The following BBX variants were observed in gnomAD, a reference collection of about 807,000 sequenced individuals.
BBX encodes BBX high mobility group box domain containing.
BBX carries 30 observed loss-of-function variants against 100.2 expected under a neutral mutation model. The observed-to-expected ratio is 0.30, with a 90% CI of 0.22 to 0.41. The LOEUF is 0.41. Ranked by LOEUF, BBX falls within the 10% of genes least tolerant of loss-of-function variation. The pLI is 1.00. For synonymous variants in BBX, 376 were observed against 388.1 expected, an observed-to-expected ratio of 0.97 and a Z score of 0.37; for missense variants, 1,023 against 1,129.8, an observed-to-expected ratio of 0.91 and a Z score of 1.35.
Position 107,625,076 on chromosome 3 carries a change from A to T in BBX, c.-83-20760A>T, listed in dbSNP as rs995227058. ...AAATAATTTCAAAGAGAGTTGCTGG[A>T]CAACTTTGGAATTTCTTCTTTCTGC... On this transcript the variant is annotated intron_variant, in intron 2 of 17. Coordinates refer to ENST00000325805, the MANE Select transcript of BBX (RefSeq NM_001142568.3). 2.6e-5 allele frequency among the ~76,000 whole-genome samples: 4 copies of T among 152,170 alleles called. No homozygotes were observed. In the South Asian group the frequency reaches 6.2e-4, roughly 24 times the overall value.
chr3:107,620,047 A>C (rs1352182596), intron 2 of BBX, among the ~76,000 whole-genome samples: 2 of 152,046 alleles, frequency 1.3e-5, no homozygotes, highest in Non-Finnish European at 2.9e-5. Flanking sequence ...TTACTGTTTC[A>C]TAGGTCCCTG....
intron 10 of BBX, among the ~76,000 whole-genome samples, chr3:107,766,004 A>C (rs2107738426): frequency 6.6e-6 from 1 of 152,372 alleles, no homozygotes; most frequent in South Asian, 2.1e-4. Flanking sequence ...ATTAGTAGAC[A>C]AGAAACTAAA....
At position 107,586,426 on chromosome 3, in the gene BBX, A is replaced by C. The variant is rs555677825; in HGVS notation, c.-83-59410A>C. Among the ~76,000 whole-genome samples, 15 of 152,254 alleles carry C rather than the reference A, an allele frequency of 9.9e-5. No homozygotes were observed. In the South Asian group the frequency reaches 2.5e-3, roughly 25 times the overall value. On this transcript the variant is annotated intron_variant, in intron 2 of 17. Transcript: ENST00000325805. ...ACTTGAGTCAAGTAATGGACATATC[A>C]GGGGTCACCTAGTTTTTAATGTGAA...
chr3:107,697,919 G>A (rs191817473), intron 3 of BBX, among the ~76,000 whole-genome samples: 3 of 152,054 alleles, frequency 2.0e-5, no homozygotes, highest in African/African-American at 2.4e-5. Flanking sequence ...TTTTAAGCTC[G>A]TCAGAAAAGC....
rs1310037060 is a variant in BBX at position 107,805,472 on chromosome 3, G to A, written c.*15G>A. 7 of 1,613,972 alleles carry A rather than the reference G, an allele frequency of 4.3e-6. No individual in the cohort carries two copies. Among genetic ancestry groups the A allele is most frequent in the Non-Finnish European group, 5.1e-6 (6 of 1,179,952 alleles). ...CTGACCAGTGAAGCGCCCTTTCATTGTAAAACATTGTGCTTTACCTACTAC... is the reference window on the plus strand; with the variant it reads ...CTGACCAGTGAAGCGCCCTTTCATTATAAAACATTGTGCTTTACCTACTAC... On this transcript the variant is annotated 3_prime_UTR_variant, in exon 18 of 18. Coordinates refer to ENST00000325805, the MANE Select transcript of BBX (RefSeq NM_001142568.3).
chr3:107,526,802 A>G (rs1431378639), intron 2 of BBX: 1 of 153,394 alleles, frequency 6.5e-6, no homozygotes, highest in Non-Finnish European at 1.5e-5. Flanking sequence ...CTCTAATTAT[A>G]GTGACTGACA....
chr3:107,669,752 G>A (rs1242601791), intron 3 of BBX, among the ~76,000 whole-genome samples: 1 of 152,092 alleles, frequency 6.6e-6, no homozygotes, highest in Non-Finnish European at 1.5e-5. Context: ...ACTCTAAAAG[G>A]GATTTTTCAG....
Position 107,773,506 on chromosome 3 carries a change from G to A in BBX, c.1785G>A (p.Glu595=). The change falls in exon 11 of 18, where the codon GAG becomes GAA. Residue 595 remains glutamate (E), a synonymous_variant. Transcript: ENST00000325805. This position sits in a 1 kb window ranked among gnomAD's most constrained non-coding sequence, Gnocchi z 4.1. The stretch of plus-strand genomic sequence containing the variant: ...GCCTATCAGGACAGGCCAAGCCTGA[G>A]GACAGTGACTGTCACAGAAAAATAG... ...PPSLSGQAKP[E]DSDCHRKIET... The A allele has an allele frequency of 6.2e-7, 1 of 1,614,094 alleles. No individual in the cohort carries two copies. Among genetic ancestry groups the A allele is most frequent in the South Asian group, 1.1e-5 (1 of 91,078 alleles).
chr3:107,777,278 G>C (rs538905811), intron 12 of BBX, among the ~76,000 whole-genome samples: 1 of 152,248 alleles, frequency 6.6e-6, no homozygotes, highest in East Asian at 1.9e-4. Flanking sequence ...CTCCAGTAAA[G>C]GGGTGCTTCC....
intron 3 of BBX, among the ~76,000 whole-genome samples, chr3:107,677,817 A>T (rs1395951517): frequency 6.6e-6 from 1 of 152,180 alleles, no homozygotes; most frequent in Non-Finnish European, 1.5e-5. Flanking sequence ...CAAATTTACC[A>T]ATGATTTGGT....
At chr3:107,611,453 G>A (rs2054841811) in intron 2 of BBX, among the ~76,000 whole-genome samples, 1 of 152,028 alleles carries the variant, frequency 6.6e-6, no homozygotes, top group South Asian at 2.1e-4. Context: ...TGTTTGTCTG[G>A]GGAAGTCTTT....
chr3:107,761,186 G>A (rs1362029510), intron 10 of BBX, among the ~76,000 whole-genome samples: 1 of 152,146 alleles, frequency 6.6e-6, no homozygotes, highest in African/African-American at 2.4e-5. Flanking sequence ...AGGGATTAAG[G>A]CAAGCACAGG....
chr3:107,563,140 G>A (rs1049776012), intron 2 of BBX, among the ~76,000 whole-genome samples: 2 of 152,210 alleles, frequency 1.3e-5, no homozygotes, highest in Non-Finnish European at 2.9e-5. Flanking sequence ...TATGTGTGTG[G>A]AGGGAGGGAA....
chr3:107,608,797 T>A (rs570730537), intron 2 of BBX, among the ~76,000 whole-genome samples: 8 of 152,164 alleles, frequency 5.3e-5, no homozygotes, highest in Admixed American at 5.2e-4. Flanking sequence ...TTAAATTAAT[T>A]CCTGTGTGTT....
At chr3:107,616,384 C>T (rs2107673480) in intron 2 of BBX, among the ~76,000 whole-genome samples, 1 of 152,146 alleles carries the variant, frequency 6.6e-6, no homozygotes, top group South Asian at 2.1e-4. Flanking sequence ...AGAGAGATCC[C>T]ACGTGCCCTT....
At chr3:107,632,592 A>G (rs1363770509) in intron 2 of BBX, among the ~76,000 whole-genome samples, 1 of 152,244 alleles carries the variant, frequency 6.6e-6, no homozygotes, top group Non-Finnish European at 1.5e-5. Context: ...TGTGATTACA[A>G]AAAGAGCTCA....
chr3:107,747,531 T>G (rs967621690), intron 8 of BBX, among the ~76,000 whole-genome samples: 1 of 152,184 alleles, frequency 6.6e-6, no homozygotes, highest in African/African-American at 2.4e-5. Context: ...ATCCATATGC[T>G]TCACCAACAC....
intron 2 of BBX, among the ~76,000 whole-genome samples, chr3:107,581,118 A>C (rs1278617122): frequency 1.3e-5 from 2 of 152,148 alleles, no homozygotes; most frequent in African/African-American, 4.8e-5. Context: ...CTTGTATTTA[A>C]CTAGGAGCAA....
chr3:107,549,811 A>G (rs566387913), intron 2 of BBX, among the ~76,000 whole-genome samples: 18 of 150,576 alleles, frequency 1.2e-4, no homozygotes, highest in Admixed American at 9.3e-4. Context: ...CAGGTGAGCT[A>G]TTAAGTGGGT....
Sources: allele counts gnomAD v4.1 joint callset (sites outside exome capture counted in the v4.1 genomes callset), GRCh38; gene constraint gnomAD v4.1.1; non-coding constraint Gnocchi (gnomAD v3.1); transcripts MANE v1.5; gene names NCBI Gene and HGNC (gene_info 2026-07-23, HGNC 2026-07-21).